The following ATXN1 variants were observed in gnomAD, a reference collection of about 807,000 sequenced individuals.
ATXN1 encodes ataxin 1, also known as ataxin-1.
ATXN1 carries 8 observed loss-of-function variants against 56.4 expected under a neutral mutation model. The observed-to-expected ratio is 0.14, with a 90% confidence interval of 0.08 to 0.26. The LOEUF is 0.26. ATXN1 is among the 10% of genes least tolerant of loss of function. The pLI, the probability that ATXN1 is intolerant of heterozygous loss-of-function variation, is 1.00. For missense variants in ATXN1, 987 were observed against 1,106.5 expected, an observed-to-expected ratio of 0.89 and a Z score of 1.53; for synonymous variants, 514 against 494.6, an observed-to-expected ratio of 1.04 and a Z score of -0.52.
intron 5 of ATXN1, among the ~76,000 whole-genome samples, chr6:16,512,148 C>G (rs1761095813): frequency 6.6e-6 from 1 of 152,216 alleles, no homozygotes; most frequent in Non-Finnish European, 1.5e-5. Context: ...GATATCATTA[C>G]CCTCAAAGCC....
chr6:16,618,240 A>T (rs571163838), intron 3 of ATXN1, among the ~76,000 whole-genome samples: 2 of 152,274 alleles, frequency 1.3e-5, no homozygotes, highest in African/African-American at 4.8e-5. Flanking sequence ...AGAGAGGGGA[A>T]CATCACACAC....
At chr6:16,680,540 G>A (rs1316930253) in intron 2 of ATXN1, among the ~76,000 whole-genome samples, 1 of 152,178 alleles carries the variant, frequency 6.6e-6, no homozygotes, top group African/African-American at 2.4e-5. Flanking sequence ...AGGACCCAGG[G>A]CAGCTCTGAC....
intron 3 of ATXN1, among the ~76,000 whole-genome samples, chr6:16,618,139 C>A (rs1457195930): frequency 1.3e-5 from 2 of 152,028 alleles, no homozygotes; most frequent in Admixed American, 1.3e-4. Flanking sequence ...TGGAAACCAT[C>A]ATTCTCAGCA....
At chr6:16,553,829 G>A (rs236925) in intron 4 of ATXN1, among the ~76,000 whole-genome samples, 1,945 of 152,254 alleles carry the variant, frequency 0.013, 30 homozygotes, top group African/African-American at 0.043. Context: ...TCTGCTTAAA[G>A]ACAATCAGAA....
At position 16,481,712 on chromosome 6, in the gene ATXN1, A is replaced by G. The variant is rs373578152; in HGVS notation, c.-161+4260T>C. On this transcript the variant is annotated intron_variant, in intron 6 of 7. Coordinates refer to ENST00000436367, the MANE Select transcript of ATXN1 (RefSeq NM_001128164.2). ...TTAAATGGGTTTCATTTGTACCAGC[A>G]CACCATTTTTTCATTCTAAGGTGTG... 9.8e-5 allele frequency among the ~76,000 whole-genome samples: 15 copies of G among 152,286 alleles called. No individual in the cohort carries two copies. The East Asian group carries it at 2.3e-3, about 23-fold the overall frequency.
chr6:16,660,928 T>A lies in ATXN1; in HGVS notation c.-614-3027A>T, dbSNP rs910268510. On this transcript the variant is annotated intron_variant, in intron 2 of 7. Coordinates refer to ENST00000436367, the MANE Select transcript of ATXN1 (RefSeq NM_001128164.2). Reference sequence around the variant, plus strand: ...ATCTCAGCTCACTGCAACCTCTGCCTTCTGGTTTCAAGCAATTCTCCTGCC... The same window carrying A: ...ATCTCAGCTCACTGCAACCTCTGCCATCTGGTTTCAAGCAATTCTCCTGCC... 4.0e-5 allele frequency among the ~76,000 whole-genome samples: 6 copies of A among 148,192 alleles called. No individual in the cohort carries two copies. The East Asian group carries it at 1.2e-3, about 30-fold the overall frequency.
intron 3 of ATXN1, among the ~76,000 whole-genome samples, chr6:16,642,210 C>T (rs772602629): frequency 2.0e-5 from 3 of 152,144 alleles, no homozygotes; most frequent in Non-Finnish European, 2.9e-5. Context: ...ACACAGCTAA[C>T]ATTGTGAAAC....
In ATXN1 at chr6:16,438,492, G is replaced by A. The variant is rs570891540; in HGVS notation, c.-161+47480C>T. On this transcript the variant is annotated intron_variant, in intron 6 of 7. Transcript: ENST00000436367. ...CAGGTTTCATTGCTGTCAAGAGAAA[G>A]GTAAAGGTGATGTTCAATCCATCTC... 1.2e-3 allele frequency among the ~76,000 whole-genome samples: 177 copies of A among 152,188 alleles called. 1 individual carries two copies. The highest frequency in any genetic ancestry group is 4.2e-3 in the African/African-American group (173 of 41,512).
At chr6:16,709,330 C>T (rs748176768) in intron 2 of ATXN1, among the ~76,000 whole-genome samples, 1 of 152,008 alleles carries the variant, frequency 6.6e-6, no homozygotes, top group Middle Eastern at 3.4e-3. Flanking sequence ...AAATAAAAAA[C>T]TTCTTGAAAA....
At chr6:16,617,913 T>C (rs1243630759) in intron 3 of ATXN1, among the ~76,000 whole-genome samples, 1 of 151,800 alleles carries the variant, frequency 6.6e-6, no homozygotes, top group Non-Finnish European at 1.5e-5. Context: ...TTGACAAAAG[T>C]TCATTGAATC....
chr6:16,676,692 T>A (rs1185075692), intron 2 of ATXN1, among the ~76,000 whole-genome samples: 2 of 152,176 alleles, frequency 1.3e-5, no homozygotes, highest in Non-Finnish European at 2.9e-5. Context: ...GGGTTTCCTA[T>A]CCTGATTCCC....
chr6:16,302,712 TGTTCCATTGTAAA>T lies in ATXN1; in HGVS notation c.*3604_*3616del, dbSNP rs1481552641. The T allele has an allele frequency of 6.5e-6, 1 of 152,680 alleles. No homozygotes were observed. Among genetic ancestry groups the T allele is most frequent in the Non-Finnish European group, 1.5e-5 (1 of 68,044 alleles). The allele number at this position is 152,680 out of a possible 1,614,324, so 9.5% of individuals were successfully genotyped here. ...GCCCTGACTAATTTCTTGGTGATTG[TGTTCCATTGTAAA>T]CGCAAAAGGCCTGCTGTTACTAGTT... On this transcript the variant is annotated 3_prime_UTR_variant, in exon 8 of 8. Coordinates refer to ENST00000436367, the MANE Select transcript of ATXN1 (RefSeq NM_001128164.2).
chr6:16,346,066 T>A lies in ATXN1; in HGVS notation c.-160-17596A>T, dbSNP rs182619974. Among the ~76,000 whole-genome samples, 921 of 152,154 alleles carry A rather than the reference T, an allele frequency of 6.1e-3. 4 individuals carry two copies. The highest frequency in any genetic ancestry group is 8.9e-3 in the Non-Finnish European group (608 of 67,998). On this transcript the variant is annotated intron_variant, in intron 6 of 7. Transcript: ENST00000436367. The stretch of plus-strand genomic sequence containing the variant: ...GGGCGGTTCTATATTCTTTTAATTA[T>A]TTATTTATTTATTTATTTTGAGACA...
chr6:16,720,381 T>C (rs1759722506), intron 2 of ATXN1, among the ~76,000 whole-genome samples: 1 of 152,240 alleles, frequency 6.6e-6, no homozygotes. Context: ...ATAAGCTCTC[T>C]GAGGGCAGGG....
chr6:16,424,166 G>A (rs779701833), intron 6 of ATXN1, among the ~76,000 whole-genome samples: 29 of 152,114 alleles, frequency 1.9e-4, no homozygotes, highest in Admixed American at 5.2e-4. Context: ...GGCAGGGAGC[G>A]GCCTGGATCT....
intron 5 of ATXN1, among the ~76,000 whole-genome samples, chr6:16,500,290 C>T (rs781314927): frequency 3.9e-5 from 6 of 152,056 alleles, no homozygotes; most frequent in Admixed American, 1.3e-4. Context: ...ATTAATTAAG[C>T]GACAGCCCTA....
intron 4 of ATXN1, among the ~76,000 whole-genome samples, chr6:16,571,234 G>T (rs968067656): frequency 3.3e-5 from 5 of 151,710 alleles, no homozygotes; most frequent in Admixed American, 1.3e-4. Context: ...GGTATATATG[G>T]GTCTGTGGAA....
chr6:16,324,636 C>T (rs141673939), intron 7 of ATXN1, among the ~76,000 whole-genome samples: 73 of 152,242 alleles, frequency 4.8e-4, no homozygotes, highest in African/African-American at 1.7e-3. Context: ...GTAGAAAGTA[C>T]GCTCGATAGC....
chr6:16,402,098 C>T (rs535288476), intron 6 of ATXN1, among the ~76,000 whole-genome samples: 10 of 152,080 alleles, frequency 6.6e-5, no homozygotes, highest in African/African-American at 2.4e-4. Flanking sequence ...GAAAGACCTG[C>T]CCCCCATGAT....
Sources: gnomAD v4.1 joint callset for allele counts (sites outside exome capture counted in the v4.1 genomes callset) on GRCh38, gnomAD v4.1.1 for gene constraint, MANE v1.5 for transcripts, NCBI Gene and HGNC (gene_info 2026-07-23, HGNC 2026-07-21) for gene names.